The following GALNT17 variants were observed in gnomAD, a reference collection of about 807,000 sequenced individuals.
GALNT17 encodes the protein polypeptide N-acetylgalactosaminyltransferase 17, also known as UDP-GalNAc:polypeptide N-acetylgalactosaminyltransferase-like 3.
Under a neutral mutation model 63.7 loss-of-function variants are expected in GALNT17, and 29 were observed. That is an observed-to-expected ratio of 0.46 (90% CI 0.34 to 0.62). The LOEUF (loss-of-function observed/expected upper bound fraction) is 0.62. GALNT17 is among the 20% of genes least tolerant of loss of function. GALNT17 has a pLI of 0.01. For synonymous variants in GALNT17, 305 were observed against 318.3 expected, an observed-to-expected ratio of 0.96 and a Z score of 0.45; for missense variants, 603 against 799.6, an observed-to-expected ratio of 0.75 and a Z score of 2.97.
chr7:71,318,881 G>A (rs1410094235), intron 1 of GALNT17, among the ~76,000 whole-genome samples: 1 of 152,176 alleles, frequency 6.6e-6, no homozygotes, highest in African/African-American at 2.4e-5. Context: ...GCAGAGAGGA[G>A]CATAGAATCC....
chr7:71,540,092 C>CATTTTTTTTTTTTTT (rs1202520298), intron 5 of GALNT17, among the ~76,000 whole-genome samples: 1 of 59,918 alleles, frequency 1.7e-5, no homozygotes. Flanking sequence ...CTGTGCCTGG[C>CATTTTTTTTTTTTTT]CTTTTTTTTT....
chr7:71,343,389 C>G (rs1401109066), intron 2 of GALNT17, among the ~76,000 whole-genome samples: 1 of 152,152 alleles, frequency 6.6e-6, no homozygotes, highest in African/African-American at 2.4e-5. Flanking sequence ...TGTTTTATTG[C>G]TATATTACAC....
intron 5 of GALNT17, among the ~76,000 whole-genome samples, chr7:71,476,814 G>A (rs113720541): frequency 2.2e-4 from 34 of 152,324 alleles, no homozygotes; most frequent in African/African-American, 7.5e-4. Context: ...AGGAAACTCA[G>A]CTTTAGGGTG....
chr7:71,258,022 C>T (rs1215523890), intron 1 of GALNT17, among the ~76,000 whole-genome samples: 1 of 152,180 alleles, frequency 6.6e-6, no homozygotes, highest in Non-Finnish European at 1.5e-5. Context: ...TATCCATGGC[C>T]TCCCGCCATT....
chr7:71,628,338 T>G (rs555916048), intron 6 of GALNT17, among the ~76,000 whole-genome samples: 4 of 152,140 alleles, frequency 2.6e-5, no homozygotes, highest in Non-Finnish European at 2.9e-5. Context: ...TTTTATTTTT[T>G]TAAGACAGAG....
chr7:71,575,493 A>G (rs1277184818), intron 6 of GALNT17, among the ~76,000 whole-genome samples: 1 of 151,256 alleles, frequency 6.6e-6, no homozygotes, highest in African/African-American at 2.4e-5. Context: ...AGTTCACGCC[A>G]TTCTCCTGCC....
intron 3 of GALNT17, among the ~76,000 whole-genome samples, chr7:71,401,172 T>G (rs539138779): frequency 1.3e-5 from 2 of 151,416 alleles, no homozygotes; most frequent in Admixed American, 1.3e-4. Context: ...CTCAGCTCAC[T>G]GCAACCTCCC....
intron 4 of GALNT17, among the ~76,000 whole-genome samples, chr7:71,417,374 G>A (rs966559144): frequency 1.3e-5 from 2 of 151,996 alleles, no homozygotes; most frequent in Non-Finnish European, 2.9e-5. Context: ...TTGCCATCTC[G>A]GCCGCCAATT....
intron 6 of GALNT17, among the ~76,000 whole-genome samples, chr7:71,630,511 A>G (rs1056300545): frequency 6.6e-6 from 1 of 152,110 alleles, no homozygotes; most frequent in Non-Finnish European, 1.5e-5. Flanking sequence ...CCGGGTAGCT[A>G]TGGTGGCCAA....
chr7:71,460,096 C>A (rs957445828), intron 5 of GALNT17, among the ~76,000 whole-genome samples: 2 of 152,124 alleles, frequency 1.3e-5, no homozygotes, highest in African/African-American at 4.8e-5. Flanking sequence ...AGCTGTACCC[C>A]GACCACCTTG....
chr7:71,320,978 A>G (rs962221099), intron 1 of GALNT17, among the ~76,000 whole-genome samples: 1 of 152,136 alleles, frequency 6.6e-6, no homozygotes, highest in Non-Finnish European at 1.5e-5. Flanking sequence ...CCTCCTCTTT[A>G]GCCCCTCCGA....
chr7:71,521,019 G>A (rs1395981363), intron 5 of GALNT17, among the ~76,000 whole-genome samples: 4 of 152,200 alleles, frequency 2.6e-5, no homozygotes, highest in Admixed American at 6.5e-5. Context: ...CCAGGTAGGC[G>A]AGGGAGGAGA....
At chr7:71,627,057 G>A (rs992667188) in intron 6 of GALNT17, among the ~76,000 whole-genome samples, 1 of 152,192 alleles carries the variant, frequency 6.6e-6, no homozygotes, top group Admixed American at 6.5e-5. Context: ...TTTCCCCAAA[G>A]TATGTTGCAT....
At chr7:71,256,169 T>C (rs1195205165) in intron 1 of GALNT17, among the ~76,000 whole-genome samples, 1 of 152,244 alleles carries the variant, frequency 6.6e-6, no homozygotes, top group Non-Finnish European at 1.5e-5. Flanking sequence ...AATCTGAATC[T>C]GCCTGTGACC....
At chr7:71,391,546 G>T (rs778577272) in intron 3 of GALNT17, among the ~76,000 whole-genome samples, 1 of 152,204 alleles carries the variant, frequency 6.6e-6, no homozygotes, top group East Asian at 1.9e-4. Flanking sequence ...GCGGTGGTGC[G>T]ATCACAGCTT....
chr7:71,141,414 G>A (rs1015459138), intron 1 of GALNT17, among the ~76,000 whole-genome samples: 6 of 151,808 alleles, frequency 4.0e-5, no homozygotes, highest in Admixed American at 3.9e-4. Context: ...GACTGGGTTT[G>A]ATTTCCACTG....
intron 1 of GALNT17, among the ~76,000 whole-genome samples, chr7:71,221,704 T>C (rs1236340352): frequency 1.3e-5 from 2 of 152,180 alleles, no homozygotes; most frequent in Admixed American, 6.5e-5. Context: ...ACTCATCTCT[T>C]TGCATCTCTG....
At chr7:71,651,446 G>T (rs1343584712) in intron 6 of GALNT17, among the ~76,000 whole-genome samples, 1 of 152,046 alleles carries the variant, frequency 6.6e-6, no homozygotes, top group Non-Finnish European at 1.5e-5. Context: ...GGGACTACAG[G>T]TGTGTGCCAC....
At chr7:71,580,427 A>G (rs1337345869) in intron 6 of GALNT17, among the ~76,000 whole-genome samples, 1 of 152,080 alleles carries the variant, frequency 6.6e-6, no homozygotes, top group Non-Finnish European at 1.5e-5. Flanking sequence ...ATAGATAGAT[A>G]GATAGATAGA....
Sources: gnomAD v4.1 joint callset for allele counts (sites outside exome capture counted in the v4.1 genomes callset) on GRCh38, gnomAD v4.1.1 for gene constraint, MANE v1.5 for transcripts, NCBI Gene and HGNC (gene_info 2026-07-23, HGNC 2026-07-21) for gene names.